The following CDYL2 variants were observed in gnomAD, a reference collection of about 807,000 sequenced individuals.
CDYL2 encodes the protein chromodomain Y like 2, also known as chromodomain Y-like protein 2.
In CDYL2, 23 loss-of-function variants were observed where a neutral mutation model predicts 49.4. That is an observed-to-expected ratio of 0.47 (90% confidence interval 0.34 to 0.66). The LOEUF (loss-of-function observed/expected upper bound fraction) is 0.66. CDYL2 is among the 30% of genes least tolerant of loss of function. The pLI, the probability that CDYL2 is intolerant of heterozygous loss-of-function variation, is 0.01. For synonymous variants in CDYL2, 360 were observed against 268.8 expected (o/e 1.34, Z -3.32); for missense variants, 678 against 656.4 (o/e 1.03, Z -0.36).
intron 1 of CDYL2, among the ~76,000 whole-genome samples, chr16:80,741,413 T>A (rs866207476): frequency 6.6e-6 from 1 of 151,786 alleles, no homozygotes; most frequent in Admixed American, 6.6e-5. Context: ...CAGAAAAACA[T>A]AAAAGCTTTT....
chr16:80,684,799 C>T lies in CDYL2; in HGVS notation c.355G>A (p.Gly119Arg), dbSNP rs959637712. Reference sequence around the variant, plus strand: ...CCTGAAGAGGGCTTGCCTGAATACCCTTTTTTTGGCTTGGCCAGGGGAGGG... The same window carrying T: ...CCTGAAGAGGGCTTGCCTGAATACCTTTTTTTTGGCTTGGCCAGGGGAGGG... ...INPPLAKPKK[G>R]YSGKPSSGGD... is the part of the protein sequence containing the mutation. Residue 119 changes from glycine (G) to arginine (R), a missense_variant, in exon 2 of 7, where the codon GGG becomes AGG. Coordinates refer to ENST00000570137, the MANE Select transcript of CDYL2 (RefSeq NM_152342.4). The T allele has an allele frequency of 1.2e-6, 2 of 1,614,118 alleles. No individual in the cohort carries two copies. The highest frequency in any genetic ancestry group is 2.2e-5 in the East Asian group (1 of 44,870).
intron 2 of CDYL2, among the ~76,000 whole-genome samples, chr16:80,674,345 G>A (rs1172374048): frequency 6.6e-6 from 1 of 152,186 alleles, no homozygotes; most frequent in South Asian, 2.1e-4. Context: ...AGAGCATTTA[G>A]AAGGCTCCCT....
In CDYL2 at chr16:80,707,763, T is replaced by C. The variant is rs117242282; in HGVS notation, c.25-22634A>G. 1.7e-3 allele frequency among the ~76,000 whole-genome samples: 256 copies of C among 152,260 alleles called. 5 individuals carry two copies. The East Asian group carries it at 0.039, about 23-fold the overall frequency. On this transcript the variant is annotated intron_variant, in intron 1 of 6. Coordinates refer to ENST00000570137, the MANE Select transcript of CDYL2 (RefSeq NM_152342.4). ...AAGTCCAGCATCCAGAGAGGCAGCC[T>C]CATAAGTGAGGGGAATACAGTTTAT... is the stretch of plus-strand genomic sequence containing the variant.
chr16:80,679,199 A>G (rs547379596), intron 2 of CDYL2, among the ~76,000 whole-genome samples: 33 of 152,036 alleles, frequency 2.2e-4, no homozygotes, highest in Admixed American at 5.9e-4. Flanking sequence ...CCAGCATGTC[A>G]CATGTATACA....
chr16:80,796,827 C>T (rs1157858226), intron 1 of CDYL2, among the ~76,000 whole-genome samples: 1 of 152,160 alleles, frequency 6.6e-6, no homozygotes, highest in Non-Finnish European at 1.5e-5. Context: ...CCAAACTCCT[C>T]GATTCCTCAT....
intron 1 of CDYL2, chr16:80,738,631 T>C (rs1343847840): frequency 6.6e-6 from 1 of 152,170 alleles, no homozygotes; most frequent in African/African-American, 2.4e-5. Context: ...AGGCGGGTGA[T>C]AACTAAAGGG....
In CDYL2 at chr16:80,804,438, G is replaced by C. The variant is rs866183901; in HGVS notation, c.-265C>G. On this transcript the variant is annotated 5_prime_UTR_variant, in exon 1 of 7. Transcript: ENST00000570137. ...CGGCACGAGCGCGGGCAGCAGCGAC[G>C]GCCGCGCAGCGCGCCCGGGAGGCAC... is the stretch of plus-strand genomic sequence containing the variant. 6.8e-6 allele frequency: 1 copy of C among 147,638 alleles called. No individual in the cohort carries two copies. Among genetic ancestry groups the C allele is most frequent in the African/African-American group, 2.5e-5 (1 of 40,548 alleles). The allele number at this position is 147,638 out of a possible 1,614,324, so 9.1% of individuals were successfully genotyped here.
At chr16:80,786,262 T>C (rs1002904130) in intron 1 of CDYL2, among the ~76,000 whole-genome samples, 1 of 151,958 alleles carries the variant, frequency 6.6e-6, no homozygotes, top group Non-Finnish European at 1.5e-5. Context: ...TAAACAAATT[T>C]ACAAGAAAAA....
chr16:80,695,183 A>G (rs1910571840), intron 1 of CDYL2, among the ~76,000 whole-genome samples: 1 of 152,264 alleles, frequency 6.6e-6, no homozygotes, highest in Non-Finnish European at 1.5e-5. Flanking sequence ...CATCTATGTA[A>G]TATCTGTGGC....
At chr16:80,797,853 C>G (rs1159501849) in intron 1 of CDYL2, among the ~76,000 whole-genome samples, 2 of 152,174 alleles carry the variant, frequency 1.3e-5, no homozygotes, top group Non-Finnish European at 2.9e-5. Flanking sequence ...CATTAACTGG[C>G]TGCCCTACTT....
rs373304541 is a variant in CDYL2 at position 80,684,605 on chromosome 16, A to T, written c.549T>A (p.Asp183Glu). Reference sequence around the variant, plus strand: ...CACCCATATCTTGCTCTCCAACATGATCATTCAAATCCAAGCCAGGCTGAT... The same window carrying T: ...CACCCATATCTTGCTCTCCAACATGTTCATTCAAATCCAAGCCAGGCTGAT... ...GSHQPGLDLN[D>E]HVGEQDMGEC... Residue 183 changes from aspartate to glutamate, a missense_variant, in exon 2 of 7, where the codon GAT becomes GAA. Physicochemically the swap from Asp to Glu is conservative, Grantham distance 45 (BLOSUM62 2). Coordinates refer to ENST00000570137, the MANE Select transcript of CDYL2 (RefSeq NM_152342.4). 2.2e-5 allele frequency: 35 copies of T among 1,614,050 alleles called. No homozygotes were observed. Among genetic ancestry groups the T allele is most frequent in the Non-Finnish European group, 2.5e-5 (29 of 1,180,042 alleles).
chr16:80,657,878 C>G (rs1383889663), intron 2 of CDYL2, among the ~76,000 whole-genome samples: 2 of 151,944 alleles, frequency 1.3e-5, no homozygotes, highest in African/African-American at 2.4e-5. Flanking sequence ...TCTATAACTG[C>G]AAAATACTGG....
chr16:80,704,843 C>T (rs906461109), intron 1 of CDYL2, among the ~76,000 whole-genome samples: 17 of 152,220 alleles, frequency 1.1e-4, no homozygotes, highest in Admixed American at 3.3e-4. Flanking sequence ...AGTAAGAAAA[C>T]AGACTCTGCT....
rs1450798331 is a variant in CDYL2 at position 80,602,808 on chromosome 16, C to G, written c.*1580G>C. On this transcript the variant is annotated 3_prime_UTR_variant, in exon 7 of 7. Transcript: ENST00000570137. Reference sequence around the variant, plus strand: ...AGAAACGGAAAAAAATCCCTCCATCCTGAGAATCTGAGAATCTAGCTTTTT... The same window carrying G: ...AGAAACGGAAAAAAATCCCTCCATCGTGAGAATCTGAGAATCTAGCTTTTT... 1 of 152,208 alleles carries G rather than the reference C, an allele frequency of 6.6e-6. No individual in the cohort carries two copies. The highest frequency in any genetic ancestry group is 1.9e-4 in the East Asian group (1 of 5,180). The allele number at this position is 152,208 out of a possible 1,614,324, so 9.4% of individuals were successfully genotyped here.
intron 2 of CDYL2, among the ~76,000 whole-genome samples, chr16:80,683,319 G>A (rs1910043803): frequency 6.6e-6 from 1 of 152,216 alleles, no homozygotes; most frequent in Non-Finnish European, 1.5e-5. Context: ...AGACACACAG[G>A]TGTCTGAGAA....
At chr16:80,626,512 G>A (rs747452216) in intron 3 of CDYL2, among the ~76,000 whole-genome samples, 46 of 152,160 alleles carry the variant, frequency 3.0e-4, no homozygotes, top group Non-Finnish European at 2.9e-5. Flanking sequence ...CCTTTGCTAT[G>A]TGTATATAAT....
intron 1 of CDYL2, among the ~76,000 whole-genome samples, chr16:80,694,896 G>C (rs976390368): frequency 6.6e-6 from 1 of 152,164 alleles, no homozygotes; most frequent in East Asian, 1.9e-4. Flanking sequence ...ACAATGACGG[G>C]AATATATCAA....
intron 1 of CDYL2, among the ~76,000 whole-genome samples, chr16:80,699,033 A>T (rs1904288018): frequency 1.3e-5 from 2 of 152,224 alleles, no homozygotes; most frequent in African/African-American, 2.4e-5. Context: ...AAGGATGTGG[A>T]GAAAAGAGAA....
In CDYL2 at chr16:80,633,233, G is replaced by C. The variant is rs879863061; in HGVS notation, c.620C>G (p.Ser207Cys). Residue 207 changes from serine to cysteine, a missense_variant, in exon 3 of 7, where the codon TCT (serine) becomes TGT (cysteine). Physicochemically the swap from Ser to Cys is moderately radical, Grantham distance 112. Coordinates refer to ENST00000570137, the MANE Select transcript of CDYL2 (RefSeq NM_152342.4). The stretch of plus-strand genomic sequence containing the variant: ...GTTCAATCCCCCGTTGGTCAGAGCA[G>C]AGCCTTCCAAAACCAGATAAACAAT... ...HATLAENGLG[S>C]ALTNGGLNLH... 7 of 1,611,896 alleles carry C rather than the reference G, an allele frequency of 4.3e-6. No homozygotes were observed. Among genetic ancestry groups the C allele is most frequent in the Non-Finnish European group, 5.9e-6 (7 of 1,178,156 alleles).
Sources: gnomAD v4.1 joint callset for allele counts (sites outside exome capture counted in the v4.1 genomes callset) on GRCh38, gnomAD v4.1.1 for gene constraint, MANE v1.5 for transcripts, NCBI Gene and HGNC (gene_info 2026-07-23, HGNC 2026-07-21) for gene names.